CLINT1: variants seen among roughly 807,000 people sequenced by gnomAD.
The protein encoded by CLINT1 is clathrin interactor 1.
In CLINT1, 15 loss-of-function variants were observed where a neutral mutation model predicts 70.4. The ratio of observed to expected loss-of-function variants is 0.21; its 90% confidence interval spans 0.14 to 0.33. The LOEUF is 0.33. CLINT1 is among the 10% of genes least tolerant of loss of function. The pLI, the probability that CLINT1 is intolerant of heterozygous loss-of-function variation, is 1.00. For synonymous variants in CLINT1, 227 were observed against 254.7 expected, an observed-to-expected ratio of 0.89 and a Z score of 1.04; for missense variants, 615 against 778.1, an observed-to-expected ratio of 0.79 and a Z score of 2.49.
At chr5:157,856,531 C>T (rs937762238) in intron 1 of CLINT1, among the ~76,000 whole-genome samples, 1 of 152,132 alleles carries the variant, frequency 6.6e-6, no homozygotes, top group African/African-American at 2.4e-5. Context: ...CATTTTATAC[C>T]TCTGATAATC....
At chr5:157,815,113 T>TCA (rs965917018) in intron 3 of CLINT1, among the ~76,000 whole-genome samples, 1 of 133,612 alleles carries the variant, frequency 7.5e-6, no homozygotes, top group Non-Finnish European at 1.6e-5. Context: ...ATAGACATCT[T>TCA]CACACATACA....
In CLINT1 at chr5:157,851,456, C is replaced by T. The variant is rs184673011; in HGVS notation, c.41+7474G>A. 7.9e-5 allele frequency among the ~76,000 whole-genome samples: 12 copies of T among 152,092 alleles called. No homozygotes were observed. The East Asian group carries it at 1.9e-3, about 24-fold the overall frequency. On this transcript the variant is annotated intron_variant, in intron 1 of 11. Transcript: ENST00000411809. The stretch of plus-strand genomic sequence containing the variant: ...GCAATTCCAGCATTTTGGGAGGCCA[C>T]GGTGGGTAGATTGCTTGAGCTCAGG...
intron 1 of CLINT1, among the ~76,000 whole-genome samples, chr5:157,836,548 T>C (rs1763431204): frequency 6.6e-6 from 1 of 152,188 alleles, no homozygotes; most frequent in Non-Finnish European, 1.5e-5. Context: ...CGGTGTCATT[T>C]TGCTCCCTTA....
At chr5:157,799,987 GTACTT>G (rs1305445669) in intron 8 of CLINT1, among the ~76,000 whole-genome samples, 1 of 152,098 alleles carries the variant, frequency 6.6e-6, no homozygotes, top group Non-Finnish European at 1.5e-5. Flanking sequence ...GTCCATGACT[GTACTT>G]TAAATTATTT....
intron 1 of CLINT1, among the ~76,000 whole-genome samples, chr5:157,829,689 ATTTTTTTTTT>A (rs3075709): frequency 5.9e-4 from 64 of 109,148 alleles, no homozygotes; most frequent in East Asian, 4.3e-3. Context: ...ACACCCAGCT[ATTTTTTTTTT>A]TTTTTTTTTT....
intron 8 of CLINT1, among the ~76,000 whole-genome samples, chr5:157,797,227 A>G (rs1762095014): frequency 6.6e-6 from 1 of 152,234 alleles, no homozygotes; most frequent in Admixed American, 6.5e-5. Context: ...AACATTGGTC[A>G]AGTATACTGT....
At chr5:157,794,764 G>C in intron 9 of CLINT1, 134 bp downstream of exon 9, 1 of 686,938 alleles carries the variant, frequency 1.5e-6, no homozygotes, top group Non-Finnish European at 2.5e-6. Flanking sequence ...AATACCTTGT[G>C]AATAAATTCT....
At chr5:157,823,096 T>G (rs941772164) in intron 1 of CLINT1, among the ~76,000 whole-genome samples, 1 of 152,194 alleles carries the variant, frequency 6.6e-6, no homozygotes, top group Non-Finnish European at 1.5e-5. Flanking sequence ...TGTCAAGATT[T>G]CACTCATCCT....
chr5:157,846,831 G>T (rs921207762), intron 1 of CLINT1, among the ~76,000 whole-genome samples: 2 of 152,158 alleles, frequency 1.3e-5, no homozygotes, highest in African/African-American at 4.8e-5. Flanking sequence ...AATCTACTCT[G>T]CTTGTGCTAT....
intron 8 of CLINT1, among the ~76,000 whole-genome samples, chr5:157,799,041 G>GA (rs905463491): frequency 8.6e-5 from 13 of 151,988 alleles, no homozygotes; most frequent in Admixed American, 2.0e-4. Context: ...CTAAAAGCCT[G>GA]AAAAAGATCT....
intron 1 of CLINT1, among the ~76,000 whole-genome samples, chr5:157,827,354 C>T (rs924727308): frequency 2.0e-5 from 3 of 151,926 alleles, no homozygotes; most frequent in South Asian, 2.1e-4. Flanking sequence ...TATAAAAGGT[C>T]ATTAAATGTT....
intron 1 of CLINT1, among the ~76,000 whole-genome samples, chr5:157,848,493 A>G (rs918365434): frequency 1.3e-5 from 2 of 151,836 alleles, no homozygotes; most frequent in Non-Finnish European, 2.9e-5. Flanking sequence ...GCAGAGTTTT[A>G]GAGGACTGAA....
chr5:157,838,038 T>G (rs1763489124), intron 1 of CLINT1, among the ~76,000 whole-genome samples: 1 of 152,132 alleles, frequency 6.6e-6, no homozygotes, highest in African/African-American at 2.4e-5. Flanking sequence ...TTTTTCAGCT[T>G]TATATACATT....
chr5:157,809,881 A>G, intron 5 of CLINT1, 76 bp from the exon 6 acceptor site: 2 of 1,364,200 alleles, frequency 1.5e-6, no homozygotes, highest in Non-Finnish European at 2.0e-6. Context: ...CTTATTTCTC[A>G]GGCTTTTCCT....
chr5:157,809,531 G>A, intron 6 of CLINT1, 97 bp downstream of exon 6: 3 of 647,812 alleles, frequency 4.6e-6, no homozygotes, highest in Non-Finnish European at 2.4e-6. Context: ...TTCAGATAAT[G>A]TTAATACCCC....
chr5:157,852,566 T>A (rs557228795), intron 1 of CLINT1, among the ~76,000 whole-genome samples: 2 of 152,362 alleles, frequency 1.3e-5, no homozygotes, highest in African/African-American at 4.8e-5. Context: ...CAGTAATAGA[T>A]GTTTCAAGAG....
At chr5:157,803,943 T>A (rs1460128219) in intron 7 of CLINT1, among the ~76,000 whole-genome samples, 1 of 151,850 alleles carries the variant, frequency 6.6e-6, no homozygotes, top group African/African-American at 2.4e-5. Context: ...ACATTGACAC[T>A]TTTTTTCCTA....
chr5:157,851,782 T>C (rs17681600), intron 1 of CLINT1, among the ~76,000 whole-genome samples: 6,009 of 152,134 alleles, frequency 0.039, 160 homozygotes, highest in Middle Eastern at 0.068. Context: ...CTGTTGCACA[T>C]TAACAAAATC....
At chr5:157,801,055 G>A (rs1762199979) in intron 8 of CLINT1, among the ~76,000 whole-genome samples, 1 of 152,178 alleles carries the variant, frequency 6.6e-6, no homozygotes, top group African/African-American at 2.4e-5. Context: ...TAATTCTACA[G>A]TTCAAATCTT....
Sources: gnomAD v4.1 joint callset for allele counts (sites outside exome capture counted in the v4.1 genomes callset) on GRCh38, gnomAD v4.1.1 for gene constraint, MANE v1.5 for transcripts, NCBI Gene and HGNC (gene_info 2026-07-23, HGNC 2026-07-21) for gene names.